RALGAPA1: variants seen among roughly 807,000 people sequenced by gnomAD.
RALGAPA1 encodes the protein Ral GTPase activating protein catalytic subunit alpha 1.
RALGAPA1 carries 52 observed loss-of-function variants against 269.6 expected under a neutral mutation model. The observed-to-expected ratio is 0.19, with a 90% CI of 0.15 to 0.24. The LOEUF is 0.24. RALGAPA1 is among the 10% of genes least tolerant of loss of function. The pLI, the probability that RALGAPA1 is intolerant of heterozygous loss-of-function variation, is 1.00. For synonymous variants in RALGAPA1, 817 were observed against 1,008.3 expected (o/e 0.81, Z 3.60); for missense variants, 1,917 against 3,013.9 (o/e 0.64, Z 8.52).
At chr14:35,586,047 T>C (rs1013995797) in intron 37 of RALGAPA1, among the ~76,000 whole-genome samples, 5 of 152,212 alleles carry the variant, frequency 3.3e-5, no homozygotes, top group African/African-American at 9.6e-5. Context: ...TTGGGCAGTA[T>C]GGCCATTTTC....
chr14:35,583,668 G>A (rs914366444), intron 37 of RALGAPA1, among the ~76,000 whole-genome samples: 1 of 151,990 alleles, frequency 6.6e-6, no homozygotes, highest in African/African-American at 2.4e-5. Context: ...ATTTAAACTT[G>A]GAAAATCAAG....
chr14:35,694,506 G>A (rs1418598623), intron 17 of RALGAPA1, among the ~76,000 whole-genome samples: 1 of 152,078 alleles, frequency 6.6e-6, no homozygotes, highest in Non-Finnish European at 1.5e-5. Context: ...TGTTCAATTT[G>A]CAGGTAATTC....
rs761334110 is a variant in RALGAPA1, at chr14:35,808,887, C to A, written c.-52G>T. ...TGCCACAGCCGGCTCCCAGCCGGGTCCCGGCGGCAGAAAGTGGAGGGAGTG... is the reference window on the plus strand; with the variant it reads ...TGCCACAGCCGGCTCCCAGCCGGGTACCGGCGGCAGAAAGTGGAGGGAGTG... On this transcript the variant is annotated 5_prime_UTR_variant, in exon 1 of 42. Coordinates refer to ENST00000680220, the MANE Select transcript of RALGAPA1 (RefSeq NM_001346249.2). 2.3e-5 allele frequency: 36 copies of A among 1,576,158 alleles called. No homozygotes were observed. The South Asian group carries it at 3.6e-4, about 16-fold the overall frequency.
intron 39 of RALGAPA1, 149 bp from the exon 40 acceptor site, chr14:35,549,383 CT>C: frequency 1.3e-6 from 1 of 750,974 alleles, no homozygotes; most frequent in Non-Finnish European, 2.0e-6. Flanking sequence ...AACAGTATGG[CT>C]TTTTAAAGTG....
intron 16 of RALGAPA1, among the ~76,000 whole-genome samples, chr14:35,714,791 G>A (rs1352515542): frequency 6.6e-6 from 1 of 152,006 alleles, no homozygotes; most frequent in Non-Finnish European, 1.5e-5. Context: ...TTTCATGAAG[G>A]TCAATCCATA....
intron 1 of RALGAPA1, among the ~76,000 whole-genome samples, chr14:35,805,553 G>A (rs1248234591): frequency 6.6e-6 from 1 of 151,844 alleles, no homozygotes; most frequent in Non-Finnish European, 1.5e-5. Flanking sequence ...CTAATCTAGG[G>A]TGACAGCAGA....
intron 37 of RALGAPA1, among the ~76,000 whole-genome samples, chr14:35,573,902 TA>T (rs2057381967): frequency 6.6e-6 from 1 of 152,180 alleles, no homozygotes; most frequent in African/African-American, 2.4e-5. Flanking sequence ...TCAGCTTCCC[TA>T]ATAGGTTTAT....
chr14:35,669,976 C>G (rs1166168215), intron 26 of RALGAPA1, among the ~76,000 whole-genome samples: 1 of 152,128 alleles, frequency 6.6e-6, no homozygotes, highest in African/African-American at 2.4e-5. Flanking sequence ...CCGGAGATAC[C>G]AAGATGAGTA....
At chr14:35,610,117 T>C (rs2139284671) in intron 35 of RALGAPA1, among the ~76,000 whole-genome samples, 1 of 151,566 alleles carries the variant, frequency 6.6e-6, no homozygotes, top group Admixed American at 6.6e-5. Flanking sequence ...TTAGCTAGAC[T>C]AAGCAATAAA....
intron 7 of RALGAPA1, among the ~76,000 whole-genome samples, chr14:35,755,852 G>A (rs2073118137): frequency 6.6e-6 from 1 of 152,144 alleles, no homozygotes; most frequent in Admixed American, 6.6e-5. Flanking sequence ...GTTTGTTTCT[G>A]AGGTATGAGG....
chr14:35,702,740 T>A (rs35542352), intron 16 of RALGAPA1, among the ~76,000 whole-genome samples: 1 of 146,286 alleles, frequency 6.8e-6, no homozygotes, highest in South Asian at 2.1e-4. Flanking sequence ...TATATATATA[T>A]ACATTTTTTT....
At chr14:35,540,687 G>A (rs1461651898) in intron 41 of RALGAPA1, among the ~76,000 whole-genome samples, 2 of 152,014 alleles carry the variant, frequency 1.3e-5, no homozygotes, top group African/African-American at 4.8e-5. Context: ...AACAGCAAGA[G>A]ATTCTGGATA....
At chr14:35,586,174 T>C (rs1479665114) in intron 37 of RALGAPA1, among the ~76,000 whole-genome samples, 2 of 152,216 alleles carry the variant, frequency 1.3e-5, no homozygotes, top group Non-Finnish European at 2.9e-5. Flanking sequence ...TCACATCCAT[T>C]GTAAGTTGGA....
intron 35 of RALGAPA1, among the ~76,000 whole-genome samples, chr14:35,609,090 G>A (rs889788349): frequency 2.0e-5 from 3 of 151,968 alleles, no homozygotes; most frequent in Non-Finnish European, 2.9e-5. Context: ...GCCAGGCGTC[G>A]GTGGGGGGTG....
At chr14:35,661,401 T>C (rs1015519650) in intron 27 of RALGAPA1, among the ~76,000 whole-genome samples, 2 of 152,016 alleles carry the variant, frequency 1.3e-5, no homozygotes, top group Non-Finnish European at 2.9e-5. Context: ...GAAGAACAAA[T>C]ACAAGGGTAA....
chr14:35,587,777 T>C (rs2058395968), intron 37 of RALGAPA1, among the ~76,000 whole-genome samples: 1 of 152,056 alleles, frequency 6.6e-6, no homozygotes, highest in African/African-American at 2.4e-5. Flanking sequence ...AAATGATGAG[T>C]TGATGGGTGC....
chr14:35,560,259 A>AC (rs1448167567), intron 39 of RALGAPA1, among the ~76,000 whole-genome samples: 2 of 152,106 alleles, frequency 1.3e-5, no homozygotes, highest in Non-Finnish European at 2.9e-5. Flanking sequence ...TTTCTGCTTG[A>AC]CTGTATTATC....
chr14:35,788,868 T>G (rs2075974775), intron 1 of RALGAPA1, among the ~76,000 whole-genome samples: 1 of 152,186 alleles, frequency 6.6e-6, no homozygotes, highest in South Asian at 2.1e-4. Context: ...TTTCTATCAT[T>G]GTCCATTGCT....
At chr14:35,767,776 T>C (rs895795607) in intron 4 of RALGAPA1, among the ~76,000 whole-genome samples, 1 of 151,700 alleles carries the variant, frequency 6.6e-6, no homozygotes, top group Non-Finnish European at 1.5e-5. Context: ...TTAATTAAAA[T>C]TTTTTTTTAT....
Sources: allele counts gnomAD v4.1 joint callset (sites outside exome capture counted in the v4.1 genomes callset), GRCh38; gene constraint gnomAD v4.1.1; transcripts MANE v1.5; gene names NCBI Gene and HGNC (gene_info 2026-07-23, HGNC 2026-07-21).